SPATA31A6: variants seen among roughly 807,000 people sequenced by gnomAD.
SPATA31A6 encodes the protein spermatogenesis-associated protein 31A6.
A neutral mutation model predicts 11.9 loss-of-function variants in SPATA31A6; 9 were observed. The ratio of observed to expected loss-of-function variants is 0.76; its 90% CI spans 0.46 to 1.32. SPATA31A6 has a LOEUF of 1.32. SPATA31A6 is among the 40% of genes most tolerant of loss of function. SPATA31A6 has a pLI of 0.00. For synonymous variants in SPATA31A6, 314 were observed against 572.1 expected (o/e 0.55, Z 6.44); for missense variants, 855 against 1,467.3 (o/e 0.58, Z 6.82).
intron 1 of SPATA31A6, among the ~76,000 whole-genome samples, chr9:42,184,807 C>T (rs576688839): frequency 5.1e-5 from 7 of 137,474 alleles, no homozygotes; most frequent in South Asian, 2.3e-4. Flanking sequence ...GGATTATAGG[C>T]GTGAGCCACC....
At chr9:42,185,888 G>T (rs2118850466) in intron 3 of SPATA31A6, 123 bp from the exon 4 acceptor site, 2 of 1,470,372 alleles carry the variant, frequency 1.4e-6, no homozygotes, top group Non-Finnish European at 1.8e-6. Context: ...CCTGGGGCGA[G>T]GGGTAGCAGG....
chr9:42,187,316 C>A lies in SPATA31A6; in HGVS notation c.1614C>A (p.His538Gln), dbSNP rs777541479. Residue 538 changes from histidine (H) to glutamine (Q), a missense_variant, in exon 4 of 4, where the codon CAC (histidine) becomes CAA (glutamine). Transcript: ENST00000332857. ...VQALSLPETQ[H>Q]PEWPLLRKQL... ...CTCTCTCCCTACCTGAAACTCAGCA[C>A]CCTGAATGGCCTTTGTTGAGGAAAC... The A allele has an allele frequency of 5.8e-6, 9 of 1,540,078 alleles. 2 individuals are homozygous for A. The highest frequency in any genetic ancestry group is 5.3e-6 in the Non-Finnish European group (6 of 1,137,510).
In SPATA31A6 at chr9:42,187,109, C is replaced by G. The variant is rs1587328297; in HGVS notation, c.1407C>G (p.Ala469=). Reference sequence around the variant, plus strand: ...CAATGTCCCCACTGCTTTTCCAGGCCCAGCCCCTGTCCCACCGCCAACCCT... The same window carrying G: ...CAATGTCCCCACTGCTTTTCCAGGCGCAGCCCCTGTCCCACCGCCAACCCT... ...ETTMSPLLFQ[A]QPLSHRQPFI... The change falls in exon 4 of 4, where the codon GCC becomes GCG. Residue 469 remains alanine (A), a synonymous_variant. Transcript: ENST00000332857. The G allele has an allele frequency of 3.9e-6, 6 of 1,541,282 alleles. 1 individual carries two copies. The African/African-American group carries it at 7.7e-5, about 20-fold the overall frequency.
At chr9:42,183,946 T>C in intron 1 of SPATA31A6, 70 bp downstream of exon 1, 1 of 1,519,354 alleles carries the variant, frequency 6.6e-7, no homozygotes, top group African/African-American at 1.6e-5. Flanking sequence ...GTTCCACTTT[T>C]CCAAATCCAG....
Position 42,187,302 on chromosome 9 carries a change from C to T in SPATA31A6, c.1600C>T (p.Pro534Ser), listed in dbSNP as rs772002779. Reference sequence around the variant, plus strand: ...GAATAAAGTGCAAGCTCTCTCCCTACCTGAAACTCAGCACCCTGAATGGCC... The same window carrying T: ...GAATAAAGTGCAAGCTCTCTCCCTATCTGAAACTCAGCACCCTGAATGGCC... ...SQNKVQALSL[P>S]ETQHPEWPLL... The change falls in exon 4 of 4, where the codon CCT becomes TCT. Residue 534 changes from proline to serine, a missense_variant. By Grantham distance (74) the Pro-to-Ser change is moderately conservative (BLOSUM62 -1). Coordinates refer to ENST00000332857, the MANE Select transcript of SPATA31A6 (RefSeq NM_001145196.1). 22 of 1,540,634 alleles carry T rather than the reference C, an allele frequency of 1.4e-5. 3 individuals carry two copies. Among genetic ancestry groups the T allele is most frequent in the African/African-American group, 1.1e-4 (7 of 64,596 alleles).
In SPATA31A6 at chr9:42,184,953, C is replaced by A; in HGVS notation, c.190-116C>A. 2.8e-6 allele frequency: 4 copies of A among 1,416,428 alleles called. 1 individual carries two copies. Among genetic ancestry groups the A allele is most frequent in the Admixed American group, 3.7e-5 (2 of 54,372 alleles). 87.7% of individuals were successfully genotyped at this position (1,416,428 alleles called of 1,614,324 possible). On this transcript the variant is annotated intron_variant, in intron 1 of 3. Transcript: ENST00000332857. ...TGCGGTTCCTGAGTGCAGCATGCTGCGGCTGGGCTGGAGCAGAGAGGGAGA... is the reference window on the plus strand; with the variant it reads ...TGCGGTTCCTGAGTGCAGCATGCTGAGGCTGGGCTGGAGCAGAGAGGGAGA...
chr9:42,184,655 G>A (rs1366355832), intron 1 of SPATA31A6, among the ~76,000 whole-genome samples: 1 of 135,420 alleles, frequency 7.4e-6, no homozygotes, highest in Non-Finnish European at 1.6e-5. Flanking sequence ...TTAGCGTCCT[G>A]AATAGCTGGG....
intron 2 of SPATA31A6, 115 bp from the exon 3 acceptor site, chr9:42,185,580 G>C: frequency 8.6e-7 from 1 of 1,159,202 alleles, no homozygotes. Context: ...GGACACAGAT[G>C]GGTGGGGTCC....
rs1295379281 is a variant in SPATA31A6, at chr9:42,188,982, A to C, written c.3280A>C (p.Lys1094Gln). ...PRNPNCQGSC[K>Q]SQRPMFPPIH... Reference sequence around the variant, plus strand: ...AAACCCAAACTGTCAAGGCTCATGCAAGAGCCAAAGGCCAATGTTTCCCCC... The same window carrying C: ...AAACCCAAACTGTCAAGGCTCATGCCAGAGCCAAAGGCCAATGTTTCCCCC... Residue 1094 changes from lysine to glutamine, a missense_variant, in exon 4 of 4, where the codon AAG becomes CAG. Transcript: ENST00000332857. 2 of 1,548,448 alleles carry C rather than the reference A, an allele frequency of 1.3e-6. No homozygotes were observed. Among genetic ancestry groups the C allele is most frequent in the East Asian group, 4.8e-5 (2 of 42,074 alleles).
At position 42,189,284 on chromosome 9, in the gene SPATA31A6, T is replaced by C. The variant is rs1188168666; in HGVS notation, c.3582T>C (p.Cys1194=). The stretch of plus-strand genomic sequence containing the variant: ...AAAAAACAGTAAAAAACAGATCATG[T>C]GTGTACAGCAGCAGTGCTGAAGCTC... The part of the protein sequence containing the change: ...ESQKTVKNRS[C]VYSSSAEAQG... Residue 1194 remains cysteine, a synonymous_variant, in exon 4 of 4, where the codon TGT becomes TGC. Coordinates refer to ENST00000332857, the MANE Select transcript of SPATA31A6 (RefSeq NM_001145196.1). 2 of 1,560,444 alleles carry C rather than the reference T, an allele frequency of 1.3e-6. No homozygotes were observed. The highest frequency in any genetic ancestry group is 8.7e-7 in the Non-Finnish European group (1 of 1,150,916).
chr9:42,185,008 C>G (rs1829418654), intron 1 of SPATA31A6, 61 bp from the exon 2 acceptor site: 1 of 1,515,990 alleles, frequency 6.6e-7, no homozygotes, highest in African/African-American at 1.6e-5. Context: ...CCTTTCTTGT[C>G]TCCCATTGTC....
At chr9:42,185,981 G>A (rs1397895301) in intron 3 of SPATA31A6, 30 bp from the exon 4 acceptor site, 2 of 1,404,034 alleles carry the variant, frequency 1.4e-6, no homozygotes, top group East Asian at 2.7e-5. Context: ...CCGGCTCCTG[G>A]CTGCAGCTCG....
rs1307249094 is a variant in SPATA31A6 at position 42,184,929 on chromosome 9, G to T, written c.190-140G>T. 1.3e-5 allele frequency: 18 copies of T among 1,419,396 alleles called. 4 individuals are homozygous for T. The East Asian group carries it at 4.6e-4, about 36-fold the overall frequency. 87.9% of individuals were successfully genotyped at this position (1,419,396 alleles called of 1,614,324 possible). A position where few individuals can be genotyped will look rare whatever the true frequency, so the allele number is the denominator to read the frequency against. ...CCCTGAGCAAGACAGAGAGAGTCAT[G>T]CGGTTCCTGAGTGCAGCATGCTGCG... is the stretch of plus-strand genomic sequence containing the variant. On this transcript the variant is annotated intron_variant, in intron 1 of 3. Coordinates refer to ENST00000332857, the MANE Select transcript of SPATA31A6 (RefSeq NM_001145196.1).
In SPATA31A6 at chr9:42,189,092, CCCAG is replaced by C. The variant is rs1829518772; in HGVS notation, c.3391_3394del (p.Pro1131SerfsTer25). 6.5e-7 allele frequency: 1 copy of C among 1,546,552 alleles called. No homozygotes were observed. Among genetic ancestry groups the C allele is most frequent in the African/African-American group, 1.5e-5 (1 of 65,422 alleles). On this transcript the variant is annotated frameshift_variant, in exon 4 of 4. Transcript: ENST00000332857. LOFTEE classifies it low-confidence loss of function (END_TRUNC). ...AAGGATTGAGGACTCCTCAACTTAC[CCCAG>C]TCAGGAAAACAGAAGACACCCATCA...
chr9:42,184,837 T>C (rs1473517605), intron 1 of SPATA31A6, among the ~76,000 whole-genome samples: 1 of 138,152 alleles, frequency 7.2e-6, no homozygotes, highest in Non-Finnish European at 1.5e-5. Context: ...CCCCTCTTGC[T>C]GTTTTTCTAA....
At position 42,185,676 on chromosome 9, in the gene SPATA31A6, C is replaced by G. The variant is rs761490486; in HGVS notation, c.248-19C>G. 3 of 1,477,216 alleles carry G rather than the reference C, an allele frequency of 2.0e-6. 1 individual carries two copies. Among genetic ancestry groups the G allele is most frequent in the African/African-American group, 1.6e-5 (1 of 60,806 alleles). The allele number at this position is 1,477,216 out of a possible 1,614,324, so 91.5% of individuals were successfully genotyped here. A position where few individuals can be genotyped will look rare whatever the true frequency, so the allele number is the denominator to read the frequency against. On this transcript the variant is annotated intron_variant, in intron 2 of 3. Coordinates refer to ENST00000332857, the MANE Select transcript of SPATA31A6 (RefSeq NM_001145196.1). The stretch of plus-strand genomic sequence containing the variant: ...CAGGCCCCTCCCTCACTGCCCTAAC[C>G]CAGTCTCCTGATTTCCAGCTGGTAG...
In SPATA31A6 at chr9:42,183,965, C is replaced by G; in HGVS notation, c.189+89C>G. Reference sequence around the variant, plus strand: ...CACTTTTCCAAATCCAGTGGAGAGCCTTCTATGATGGGAAGTCTCAGAAGA... The same window carrying G: ...CACTTTTCCAAATCCAGTGGAGAGCGTTCTATGATGGGAAGTCTCAGAAGA... On this transcript the variant is annotated intron_variant, in intron 1 of 3. Transcript: ENST00000332857. 1.5e-5 allele frequency: 23 copies of G among 1,503,492 alleles called. 3 individuals are homozygous for G. Among genetic ancestry groups the G allele is most frequent in the Non-Finnish European group, 2.0e-5 (23 of 1,122,536 alleles). 93.1% of individuals were successfully genotyped at this position (1,503,492 alleles called of 1,614,324 possible).
chr9:42,185,411 T>G, intron 2 of SPATA31A6: 1 of 634,052 alleles, frequency 1.6e-6, no homozygotes, highest in Non-Finnish European at 2.7e-6. Context: ...TGTCCAACTC[T>G]GCTAAGGCTG....
rs771119427 is a variant in SPATA31A6, at chr9:42,187,149, C to A, written c.1447C>A (p.Pro483Thr). The A allele has an allele frequency of 1.4e-5, 21 of 1,542,962 alleles. 2 individuals are homozygous for A. Among genetic ancestry groups the A allele is most frequent in the East Asian group, 7.2e-5 (3 of 41,842 alleles). ...SHRQPFISST[P>T]QFLPTPMAQA... is the part of the protein sequence containing the mutation. ...CCGCCAACCCTTTATTTCATCCACA[C>A]CCCAATTCCTGCCCACACCTATGGC... Residue 483 changes from proline (P) to threonine (T), a missense_variant, in exon 4 of 4, where the codon CCC (proline) becomes ACC (threonine). Transcript: ENST00000332857.
Sources: allele counts gnomAD v4.1 joint callset (sites outside exome capture counted in the v4.1 genomes callset), GRCh38; gene constraint gnomAD v4.1.1; transcripts MANE v1.5; gene names NCBI Gene and HGNC (gene_info 2026-07-23, HGNC 2026-07-21).